The following RIMS1 variants were observed in gnomAD, a reference collection of about 807,000 sequenced individuals.
RIMS1 encodes regulating synaptic membrane exocytosis protein 1.
RIMS1 carries 83 observed loss-of-function variants against 214.1 expected under a neutral mutation model. The observed-to-expected ratio is 0.39, with a 90% CI of 0.32 to 0.47. The LOEUF (loss-of-function observed/expected upper bound fraction) is 0.47. Ranked by LOEUF, RIMS1 falls within the 20% of genes least tolerant of loss-of-function variation. The pLI, the probability that RIMS1 is intolerant of heterozygous loss-of-function variation, is 0.99. For synonymous variants in RIMS1, 793 were observed against 786.8 expected (o/e 1.01, Z -0.13); for missense variants, 2,050 against 2,161.8 (o/e 0.95, Z 1.03).
At chr6:72,207,856 A>G (rs1253192874) in intron 6 of RIMS1, among the ~76,000 whole-genome samples, 1 of 152,190 alleles carries the variant, frequency 6.6e-6, no homozygotes, top group East Asian at 1.9e-4. Flanking sequence ...TTTAAGGCAT[A>G]GTGGAGTTTG....
At chr6:72,199,402 C>G (rs545962496) in intron 6 of RIMS1, among the ~76,000 whole-genome samples, 1 of 152,040 alleles carries the variant, frequency 6.6e-6, no homozygotes. Flanking sequence ...CACATTATTG[C>G]CATTTTCTTG....
intron 4 of RIMS1, among the ~76,000 whole-genome samples, chr6:72,146,754 A>G (rs2042813241): frequency 1.3e-5 from 2 of 152,220 alleles, no homozygotes; most frequent in African/African-American, 4.8e-5. Context: ...TTATATTCCC[A>G]TGCCTTCTTA....
chr6:71,913,089 A>G (rs1288437499), intron 1 of RIMS1, among the ~76,000 whole-genome samples: 1 of 152,168 alleles, frequency 6.6e-6, no homozygotes, highest in Admixed American at 6.6e-5. Flanking sequence ...TGATTGAATT[A>G]CTAAATCTAT....
intron 4 of RIMS1, among the ~76,000 whole-genome samples, chr6:72,158,636 A>G (rs2044797705): frequency 8.4e-6 from 1 of 119,756 alleles, no homozygotes; most frequent in African/African-American, 2.9e-5. Flanking sequence ...CTCAATTCCC[A>G]CCTATGAGTG....
intron 4 of RIMS1, among the ~76,000 whole-genome samples, chr6:72,161,127 G>C (rs2153932765): frequency 7.1e-6 from 1 of 140,482 alleles, no homozygotes; most frequent in African/African-American, 2.5e-5. Flanking sequence ...GGGTGTATGT[G>C]TCAAGGAATT....
chr6:71,994,496 G>T (rs1471250448), intron 2 of RIMS1, among the ~76,000 whole-genome samples: 2 of 152,108 alleles, frequency 1.3e-5, no homozygotes, highest in African/African-American at 4.8e-5. Flanking sequence ...CATTTTAAGA[G>T]CACTCTTTAG....
chr6:72,330,417 A>G (rs1404183178), intron 28 of RIMS1, among the ~76,000 whole-genome samples: 1 of 151,798 alleles, frequency 6.6e-6, no homozygotes, highest in African/African-American at 2.4e-5. Flanking sequence ...TGACTTTTAA[A>G]GATGGGTTAT....
chr6:72,069,602 A>G (rs181581991), intron 2 of RIMS1, among the ~76,000 whole-genome samples: 73 of 152,352 alleles, frequency 4.8e-4, no homozygotes, highest in Non-Finnish European at 9.0e-4. Flanking sequence ...GAGCACCTGC[A>G]TTAATGCAGG....
At chr6:71,922,931 T>C (rs1177334192) in intron 1 of RIMS1, among the ~76,000 whole-genome samples, 7 of 152,148 alleles carry the variant, frequency 4.6e-5, no homozygotes, top group Non-Finnish European at 7.3e-5. Flanking sequence ...AATATGAGAA[T>C]ATGCCTAAGG....
At chr6:72,399,188 A>G in intron 33 of RIMS1, 94 bp downstream of exon 33, 3 of 1,098,106 alleles carry the variant, frequency 2.7e-6, no homozygotes, top group Non-Finnish European at 3.7e-6. Flanking sequence ...AAAATTTGGT[A>G]AAGATAAATG....
At chr6:72,286,014 A>G (rs1480899985) in intron 24 of RIMS1, among the ~76,000 whole-genome samples, 2 of 152,150 alleles carry the variant, frequency 1.3e-5, no homozygotes, top group African/African-American at 4.8e-5. Context: ...CCTGACCAAC[A>G]TGGAGAAACC....
rs550252440 is a variant in RIMS1 at position 71,942,405 on chromosome 6, C to A, written c.165-26578C>A. On this transcript the variant is annotated intron_variant, in intron 1 of 33. Transcript: ENST00000521978. ...TTAGTTAAATATTTTTAGTAGAGGT[C>A]ATTTTCCTTGGTTTATATAGATATT... 1.7e-3 allele frequency among the ~76,000 whole-genome samples: 258 copies of A among 152,168 alleles called. 1 individual carries two copies. Among genetic ancestry groups the A allele is most frequent in the African/African-American group, 5.9e-3 (243 of 41,518 alleles).
chr6:72,061,854 G>A (rs2152251201), intron 2 of RIMS1, among the ~76,000 whole-genome samples: 1 of 152,306 alleles, frequency 6.6e-6, no homozygotes, highest in Non-Finnish European at 1.5e-5. Flanking sequence ...CCCCTAGGGG[G>A]AATCTTTAAT....
At chr6:72,183,663 G>T (rs929971524) in intron 6 of RIMS1, among the ~76,000 whole-genome samples, 1 of 150,924 alleles carries the variant, frequency 6.6e-6, no homozygotes, top group Non-Finnish European at 1.5e-5. Flanking sequence ...AACTGCATGG[G>T]TCCACTTATA....
intron 6 of RIMS1, among the ~76,000 whole-genome samples, chr6:72,213,995 C>T (rs2054579677): frequency 6.6e-6 from 1 of 152,056 alleles, no homozygotes; most frequent in Admixed American, 6.5e-5. Context: ...ATATTGTTAA[C>T]ATAAATTTTG....
In RIMS1 at chr6:72,158,967, A is replaced by T. The variant is rs2044863401; in HGVS notation, c.472-20608A>T. On this transcript the variant is annotated intron_variant, in intron 4 of 33. Coordinates refer to ENST00000521978, the MANE Select transcript of RIMS1 (RefSeq NM_014989.7). ...ATTTCTAGTTCTAGGTCCCTGAGGAATCGCCACACTGACTTCCACAATGGT... is the reference window on the plus strand; with the variant it reads ...ATTTCTAGTTCTAGGTCCCTGAGGATTCGCCACACTGACTTCCACAATGGT... Among the ~76,000 whole-genome samples, 2 of 140,174 alleles carry T rather than the reference A, an allele frequency of 1.4e-5. 1 individual carries two copies. 92.0% of individuals were successfully genotyped at this position (140,174 alleles called of 152,430 possible). A position where few individuals can be genotyped will look rare whatever the true frequency, so the allele number is the denominator to read the frequency against.
chr6:72,257,647 TTTC>T (rs1349565806), intron 16 of RIMS1, among the ~76,000 whole-genome samples: 1 of 152,134 alleles, frequency 6.6e-6, no homozygotes, highest in Non-Finnish European at 1.5e-5. Flanking sequence ...ATATATTTGT[TTTC>T]TTATTAAAGA....
chr6:72,271,219 T>G (rs2082916703), intron 22 of RIMS1, among the ~76,000 whole-genome samples: 2 of 143,902 alleles, frequency 1.4e-5, no homozygotes, highest in South Asian at 2.2e-4. Flanking sequence ...TGAGCCAAGA[T>G]GGTGCCACTG....
chr6:72,137,829 C>T (rs1049588228), intron 4 of RIMS1, among the ~76,000 whole-genome samples: 6 of 151,296 alleles, frequency 4.0e-5, no homozygotes, highest in African/African-American at 1.5e-4. Flanking sequence ...CTCCGCCTCC[C>T]GGGTTTACAC....
Sources: allele counts gnomAD v4.1 joint callset (sites outside exome capture counted in the v4.1 genomes callset), GRCh38; gene constraint gnomAD v4.1.1; transcripts MANE v1.5; gene names NCBI Gene and HGNC (gene_info 2026-07-23, HGNC 2026-07-21).